Variants in IMMP2L observed in about 807,000 individuals in gnomAD.
IMMP2L encodes the protein mitochondrial inner membrane protease subunit 2.
IMMP2L carries 18 observed loss-of-function variants against 19.3 expected under a neutral mutation model. The observed-to-expected ratio is 0.93, with a 90% CI of 0.64 to 1.38. IMMP2L has a LOEUF of 1.38. IMMP2L is among the 40% of genes most tolerant of loss of function. The probability of loss-of-function intolerance (pLI) is 0.00; values close to 1 mark genes in which losing one functional copy is unlikely to be tolerated. For missense variants in IMMP2L, 233 were observed against 218.2 expected (o/e 1.07, Z -0.43); for synonymous variants, 76 against 73.0 (o/e 1.04, Z -0.21).
chr7:111,087,312 G>A (rs964851343), intron 3 of IMMP2L, among the ~76,000 whole-genome samples: 1 of 152,024 alleles, frequency 6.6e-6, no homozygotes, highest in African/African-American at 2.4e-5. Context: ...TGCAGGGCAT[G>A]GTGGCACGCG....
chr7:111,034,804 T>C (rs1312538805), intron 3 of IMMP2L, among the ~76,000 whole-genome samples: 3 of 152,148 alleles, frequency 2.0e-5, no homozygotes, highest in African/African-American at 7.2e-5. Flanking sequence ...CTTCAAAGGG[T>C]AGCCTAGAGC....
chr7:111,448,033 T>C (rs930493024), intron 3 of IMMP2L, among the ~76,000 whole-genome samples: 5 of 144,390 alleles, frequency 3.5e-5, no homozygotes, highest in Non-Finnish European at 7.5e-5. Context: ...ATGCACCCAA[T>C]ACAGGAGCAC....
At chr7:111,157,663 T>C (rs959918422) in intron 3 of IMMP2L, among the ~76,000 whole-genome samples, 1 of 152,036 alleles carries the variant, frequency 6.6e-6, no homozygotes, top group Non-Finnish European at 1.5e-5. Flanking sequence ...TATTTGATGA[T>C]AGTACAACAC....
chr7:111,396,181 A>G (rs1364506503), intron 3 of IMMP2L, among the ~76,000 whole-genome samples: 1 of 152,172 alleles, frequency 6.6e-6, no homozygotes, highest in Non-Finnish European at 1.5e-5. Flanking sequence ...ACACATGGAT[A>G]TGTATGTTTA....
chr7:110,749,770 T>A (rs1797609849), intron 5 of IMMP2L, among the ~76,000 whole-genome samples: 1 of 151,964 alleles, frequency 6.6e-6, no homozygotes, highest in South Asian at 2.1e-4. Context: ...AGGGGAGGGA[T>A]AGCATTAGGA....
At chr7:111,398,796 T>C (rs1191744739) in intron 3 of IMMP2L, among the ~76,000 whole-genome samples, 1 of 151,358 alleles carries the variant, frequency 6.6e-6, no homozygotes, top group Non-Finnish European at 1.5e-5. Flanking sequence ...ATAAGATTAA[T>C]GTACACAAAT....
chr7:111,068,080 T>A (rs995147), intron 3 of IMMP2L, among the ~76,000 whole-genome samples: 119,573 of 152,064 alleles, frequency 0.79, 49,213 homozygotes, highest in Non-Finnish European at 0.9. Context: ...ATAAACCATT[T>A]TGCACTGTAG....
chr7:111,311,241 C>T (rs1190268641), intron 3 of IMMP2L, among the ~76,000 whole-genome samples: 1 of 150,972 alleles, frequency 6.6e-6, no homozygotes, highest in African/African-American at 2.4e-5. Flanking sequence ...CTCCCTGGAA[C>T]TACAGTAAGA....
At chr7:111,480,320 T>A (rs1230126142) in intron 3 of IMMP2L, among the ~76,000 whole-genome samples, 3 of 152,006 alleles carry the variant, frequency 2.0e-5, no homozygotes, top group Non-Finnish European at 1.5e-5. Flanking sequence ...GACCTCGTGA[T>A]CCACCTGCCT....
chr7:111,521,338 G>A lies in IMMP2L; in HGVS notation c.110C>T (p.Ala37Val). The change falls in exon 2 of 6, where the codon GCA becomes GTA. Residue 37 changes from alanine (A) to valine (V), a missense_variant. Physicochemically the swap from Ala to Val is moderately conservative, Grantham distance 64. Transcript: ENST00000405709. Reference sequence around the variant, plus strand: ...CTGCATCGATGCTCCTTCTACTCTTGCCACACAGGCGACCCGATCCAAGAA... The same window carrying A: ...CTGCATCGATGCTCCTTCTACTCTTACCACACAGGCGACCCGATCCAAGAA... ...VTFLDRVACV[A>V]RVEGASMQPS... 6.2e-7 allele frequency: 1 copy of A among 1,612,862 alleles called. No individual in the cohort carries two copies. The highest frequency in any genetic ancestry group is 8.5e-7 in the Non-Finnish European group (1 of 1,179,324).
rs185521847 is a variant in IMMP2L at position 111,223,666 on chromosome 7, T to A, written c.240-260101A>T. Among the ~76,000 whole-genome samples the A allele has an allele frequency of 1.3e-4, 20 of 152,208 alleles. No homozygotes were observed. The East Asian group carries it at 3.3e-3, about 25-fold the overall frequency. On this transcript the variant is annotated intron_variant, in intron 3 of 5. Coordinates refer to ENST00000405709, the MANE Select transcript of IMMP2L (RefSeq NM_032549.4). ...GCTTAATTACCCAGCAAATCTCCAT[T>A]CTCTGTATTGTTTTGCCTTATATTG...
At chr7:111,301,082 G>T (rs1563030831) in intron 3 of IMMP2L, among the ~76,000 whole-genome samples, 1 of 152,026 alleles carries the variant, frequency 6.6e-6, no homozygotes, top group Non-Finnish European at 1.5e-5. Context: ...GAGTGATCCA[G>T]TTTCCTCACA....
intron 5 of IMMP2L, among the ~76,000 whole-genome samples, chr7:110,714,204 C>A (rs542758682): frequency 6.6e-6 from 1 of 152,060 alleles, no homozygotes; most frequent in Non-Finnish European, 1.5e-5. Context: ...CTTTTTAATT[C>A]TGTTGATGTG....
chr7:110,831,761 A>G (rs113968220), intron 5 of IMMP2L, among the ~76,000 whole-genome samples: 20 of 152,314 alleles, frequency 1.3e-4, no homozygotes, highest in African/African-American at 4.6e-4. Flanking sequence ...GAATCTGCAG[A>G]ATCTTCATTT....
At position 111,083,148 on chromosome 7, in the gene IMMP2L, G is replaced by C. The variant is rs528960569; in HGVS notation, c.240-119583C>G. 1.6e-3 allele frequency among the ~76,000 whole-genome samples: 238 copies of C among 152,190 alleles called. 1 individual carries two copies. The highest frequency in any genetic ancestry group is 2.3e-3 in the Non-Finnish European group (156 of 67,998). ...TTATGTATGTGTATCGATCCATTTT[G>C]TTATTTAGTTTCAGGACGACACAAT... On this transcript the variant is annotated intron_variant, in intron 3 of 5. Transcript: ENST00000405709.
intron 5 of IMMP2L, among the ~76,000 whole-genome samples, chr7:110,733,854 C>T (rs1796442438): frequency 6.6e-6 from 1 of 152,068 alleles, no homozygotes; most frequent in Non-Finnish European, 1.5e-5. Flanking sequence ...TGTGAGGATA[C>T]AGCATCCAGG....
intron 4 of IMMP2L, among the ~76,000 whole-genome samples, chr7:110,927,750 A>G (rs1247274338): frequency 1.3e-5 from 2 of 152,078 alleles, no homozygotes; most frequent in Non-Finnish European, 2.9e-5. Flanking sequence ...TCTGACCTTC[A>G]GAAGAGTAAG....
intron 1 of IMMP2L, among the ~76,000 whole-genome samples, chr7:111,521,844 T>C (rs889486419): frequency 1.3e-5 from 2 of 152,130 alleles, no homozygotes; most frequent in Non-Finnish European, 2.9e-5. Flanking sequence ...GCTGCCCAAC[T>C]AAAGACTGTT....
chr7:111,452,264 A>T (rs1403407813), intron 3 of IMMP2L, among the ~76,000 whole-genome samples: 1 of 152,146 alleles, frequency 6.6e-6, no homozygotes, highest in Non-Finnish European at 1.5e-5. Flanking sequence ...GTGAAATTGA[A>T]AGCCAGAAGC....
Sources: gnomAD v4.1 joint callset for allele counts (sites outside exome capture counted in the v4.1 genomes callset) on GRCh38, gnomAD v4.1.1 for gene constraint, MANE v1.5 for transcripts, NCBI Gene and HGNC (gene_info 2026-07-23, HGNC 2026-07-21) for gene names.